The following LHFPL3 variants were observed in gnomAD, a reference collection of about 807,000 sequenced individuals.
The protein encoded by LHFPL3 is LHFPL tetraspan subfamily member 3, also known as LHFPL tetraspan subfamily member 3 protein.
In LHFPL3, 5 loss-of-function variants were observed where a neutral mutation model predicts 19.3. The observed-to-expected ratio is 0.26, with a 90% CI of 0.14 to 0.54. LHFPL3 has a LOEUF of 0.54. Ranked by LOEUF, LHFPL3 falls within the 20% of genes least tolerant of loss-of-function variation. LHFPL3 has a pLI of 0.94. For missense variants in LHFPL3, 249 were observed against 307.4 expected (o/e 0.81, Z 1.42); for synonymous variants, 133 against 126.2 (o/e 1.05, Z -0.36).
At chr7:104,552,523 G>A (rs543027388) in intron 1 of LHFPL3, among the ~76,000 whole-genome samples, 5 of 152,280 alleles carry the variant, frequency 3.3e-5, no homozygotes, top group Non-Finnish European at 7.4e-5. Flanking sequence ...TCCTAGGGGT[G>A]GGGTAAAAAT....
intron 1 of LHFPL3, among the ~76,000 whole-genome samples, chr7:104,501,525 T>G (rs1793597514): frequency 6.6e-6 from 1 of 152,188 alleles, no homozygotes; most frequent in Non-Finnish European, 1.5e-5. Context: ...TGCTGTGAAT[T>G]GTAGAACTAA....
intron 2 of LHFPL3, among the ~76,000 whole-genome samples, chr7:104,745,112 A>T (rs1420644303): frequency 6.6e-6 from 1 of 152,136 alleles, no homozygotes. Flanking sequence ...CCCACAAAAT[A>T]TCCAAGCCAA....
chr7:104,840,737 T>C (rs1252980329), intron 2 of LHFPL3, among the ~76,000 whole-genome samples: 3 of 152,052 alleles, frequency 2.0e-5, no homozygotes, highest in African/African-American at 7.2e-5. Context: ...TATCTACTAC[T>C]ACCTAGGAAG....
intron 1 of LHFPL3, among the ~76,000 whole-genome samples, chr7:104,365,438 T>C (rs1057034321): frequency 2.2e-5 from 3 of 135,574 alleles, no homozygotes; most frequent in African/African-American, 8.4e-5. Context: ...GTGATTGTTT[T>C]TGTGATTTTT....
At chr7:104,791,567 A>G (rs761374753) in intron 2 of LHFPL3, among the ~76,000 whole-genome samples, 1 of 152,204 alleles carries the variant, frequency 6.6e-6, no homozygotes, top group East Asian at 1.9e-4. Context: ...CTAGAAAAAT[A>G]GTGCTTTTCT....
At chr7:104,334,277 T>C (rs1801620311) in intron 1 of LHFPL3, among the ~76,000 whole-genome samples, 1 of 152,212 alleles carries the variant, frequency 6.6e-6, no homozygotes, top group African/African-American at 2.4e-5. Context: ...CTGGGTGCAG[T>C]GGCTCACACC....
intron 2 of LHFPL3, among the ~76,000 whole-genome samples, chr7:104,746,549 CAT>C (rs1430575229): frequency 7.2e-5 from 11 of 152,170 alleles, no homozygotes; most frequent in Admixed American, 6.5e-4. Context: ...TAACCCATGA[CAT>C]AGAAAGTTTT....
chr7:104,802,015 A>G (rs992680005), intron 2 of LHFPL3, among the ~76,000 whole-genome samples: 3 of 152,180 alleles, frequency 2.0e-5, no homozygotes, highest in Admixed American at 2.0e-4. Context: ...ACACTATTGC[A>G]CAAAAGCATC....
intron 1 of LHFPL3, among the ~76,000 whole-genome samples, chr7:104,375,676 A>G (rs1790701288): frequency 6.6e-6 from 1 of 152,186 alleles, no homozygotes; most frequent in South Asian, 2.1e-4. Context: ...GCACAGTTCA[A>G]CCCTAGAAAA....
intron 1 of LHFPL3, among the ~76,000 whole-genome samples, chr7:104,621,980 A>C (rs939276924): frequency 7.9e-5 from 12 of 152,210 alleles, no homozygotes; most frequent in Non-Finnish European, 1.6e-4. Context: ...AAGATACAGC[A>C]CATGTGTTTA....
At chr7:104,868,881 T>C (rs1388620124) in intron 2 of LHFPL3, among the ~76,000 whole-genome samples, 1 of 152,100 alleles carries the variant, frequency 6.6e-6, no homozygotes, top group Non-Finnish European at 1.5e-5. Flanking sequence ...AACAGAGATA[T>C]AGATCAATGG....
intron 2 of LHFPL3, among the ~76,000 whole-genome samples, chr7:104,744,343 C>T (rs1794000370): frequency 6.6e-6 from 1 of 151,986 alleles, no homozygotes; most frequent in African/African-American, 2.4e-5. Context: ...GATCAGGAAG[C>T]CCAGAAAAAA....
intron 2 of LHFPL3, among the ~76,000 whole-genome samples, chr7:104,860,178 C>CACACACACACACACACA (rs1562817137): frequency 1.6e-5 from 2 of 128,874 alleles, no homozygotes; most frequent in East Asian, 4.7e-4. Flanking sequence ...ATACACCCAC[C>CACACACACACACACACA]CACACACACA....
At chr7:104,705,366 CT>C (rs1488602905) in intron 1 of LHFPL3, among the ~76,000 whole-genome samples, 3 of 152,230 alleles carry the variant, frequency 2.0e-5, no homozygotes. Context: ...TCTACCAGGT[CT>C]TCCAAACCAC....
chr7:104,830,959 C>T (rs1402183379), intron 2 of LHFPL3, among the ~76,000 whole-genome samples: 1 of 151,864 alleles, frequency 6.6e-6, no homozygotes, highest in Non-Finnish European at 1.5e-5. Flanking sequence ...GCTGGCTTGA[C>T]ATAATTGTTA....
chr7:104,524,762 G>A lies in LHFPL3; in HGVS notation c.445+195538G>A, dbSNP rs141106059. On this transcript the variant is annotated intron_variant, in intron 1 of 2. Transcript: ENST00000424859. ...AATGCTTTAAGGCTGAATTGTATTT[G>A]ACCCACAGTCCCTCAGATTTCCTCC... Among the ~76,000 whole-genome samples, 249 of 152,252 alleles carry A rather than the reference G, an allele frequency of 1.6e-3. 1 individual carries two copies. The highest frequency in any genetic ancestry group is 5.6e-3 in the African/African-American group (232 of 41,568).
chr7:104,580,090 G>C (rs1181007939), intron 1 of LHFPL3, among the ~76,000 whole-genome samples: 1 of 152,176 alleles, frequency 6.6e-6, no homozygotes, highest in Non-Finnish European at 1.5e-5. Flanking sequence ...TGTACTTGCA[G>C]AGACCCTCAG....
intron 2 of LHFPL3, among the ~76,000 whole-genome samples, chr7:104,841,914 A>C (rs879735939): frequency 4.0e-5 from 6 of 151,774 alleles, no homozygotes; most frequent in Admixed American, 2.0e-4. Flanking sequence ...ACACCAGAGA[A>C]AGCAAAAGGA....
chr7:104,442,641 G>A (rs1792249958), intron 1 of LHFPL3, among the ~76,000 whole-genome samples: 1 of 152,204 alleles, frequency 6.6e-6, no homozygotes, highest in African/African-American at 2.4e-5. Context: ...TATTTCTTCA[G>A]CCAGATGGTT....
Sources: allele counts gnomAD v4.1 joint callset (sites outside exome capture counted in the v4.1 genomes callset), GRCh38; gene constraint gnomAD v4.1.1; transcripts MANE v1.5; gene names NCBI Gene and HGNC (gene_info 2026-07-23, HGNC 2026-07-21).